The following SMIM35 variants were observed in gnomAD, a reference collection of about 807,000 sequenced individuals.
The protein encoded by SMIM35 is small integral membrane protein 35, also known as TMPRSS4 antisense RNA 1 (non-protein coding).
In SMIM35 at chr11:118,074,557, G is replaced by T. The variant is rs116635891; in HGVS notation, c.7+12194C>A. 7.7e-3 allele frequency among the ~76,000 whole-genome samples: 1,167 copies of T among 152,126 alleles called. 14 individuals are homozygous for T. Among genetic ancestry groups the T allele is most frequent in the African/African-American group, 0.027 (1,123 of 41,476 alleles). ...AGCTCAGGGGTTTGAGACCAGCCTTGTCAACATGGTGAAACCCTGTATCTA... is the reference window on the plus strand; with the variant it reads ...AGCTCAGGGGTTTGAGACCAGCCTTTTCAACATGGTGAAACCCTGTATCTA... On this transcript the variant is annotated intron_variant, in intron 1 of 4. Coordinates refer to ENST00000689828, the MANE Select transcript of SMIM35 (RefSeq NM_001394165.1).
intron 1 of SMIM35, among the ~76,000 whole-genome samples, chr11:118,028,040 T>C (rs971367075): frequency 6.6e-6 from 1 of 152,248 alleles, no homozygotes; most frequent in Non-Finnish European, 1.5e-5. Flanking sequence ...GACAATCCTT[T>C]ACATCCCCTT....
intron 1 of SMIM35, among the ~76,000 whole-genome samples, chr11:118,073,218 A>T (rs1334292344): frequency 6.6e-6 from 1 of 152,246 alleles, no homozygotes; most frequent in East Asian, 1.9e-4. Context: ...GAATACAGGC[A>T]TGAGCCACTG....
At chr11:118,045,936 A>G (rs1944091959) in intron 1 of SMIM35, among the ~76,000 whole-genome samples, 1 of 152,222 alleles carries the variant, frequency 6.6e-6, no homozygotes, top group Admixed American at 6.5e-5. Context: ...ATCCTCTCTT[A>G]TGTTGAAATG....
intron 4 of SMIM35, among the ~76,000 whole-genome samples, chr11:118,010,038 GC>G (rs1328306821): frequency 6.6e-6 from 1 of 152,182 alleles, no homozygotes; most frequent in Non-Finnish European, 1.5e-5. Flanking sequence ...TGACCCAAGT[GC>G]CCCCATATGT....
chr11:118,048,640 G>GAGAA (rs1430780109), intron 1 of SMIM35, among the ~76,000 whole-genome samples: 17 of 151,100 alleles, frequency 1.1e-4, no homozygotes, highest in Non-Finnish European at 2.5e-4. Context: ...GAGAGAAAGA[G>GAGAA]AGAAAGAAAG....
At chr11:118,024,305 A>C (rs759135620) in intron 1 of SMIM35, among the ~76,000 whole-genome samples, 3 of 152,184 alleles carry the variant, frequency 2.0e-5, no homozygotes, top group Non-Finnish European at 4.4e-5. Context: ...AGGAAGAAAT[A>C]GACTACATTT....
At chr11:118,075,065 A>T (rs561142286) in intron 1 of SMIM35, among the ~76,000 whole-genome samples, 3 of 152,216 alleles carry the variant, frequency 2.0e-5, no homozygotes, top group Non-Finnish European at 4.4e-5. Flanking sequence ...CAGGTAAAGC[A>T]ATGCAAACCT....
intron 1 of SMIM35, among the ~76,000 whole-genome samples, chr11:118,040,780 A>G (rs1447106574): frequency 1.3e-5 from 2 of 152,168 alleles, no homozygotes; most frequent in African/African-American, 4.8e-5. Context: ...TTAGGCCTAT[A>G]ACATATACAA....
At chr11:118,041,126 T>G (rs1161339032) in intron 1 of SMIM35, among the ~76,000 whole-genome samples, 1 of 151,792 alleles carries the variant, frequency 6.6e-6, no homozygotes, top group Non-Finnish European at 1.5e-5. Context: ...TTAAAAATAG[T>G]GAAAAAATAA....
intron 1 of SMIM35, among the ~76,000 whole-genome samples, chr11:118,049,084 G>A (rs1319409902): frequency 6.6e-6 from 1 of 152,070 alleles, no homozygotes; most frequent in Non-Finnish European, 1.5e-5. Flanking sequence ...TTGCCAGCGT[G>A]AGCTTTAGCA....
At chr11:118,029,839 T>G (rs2058303961) in intron 1 of SMIM35, 1 of 456,102 alleles carries the variant, frequency 2.2e-6, no homozygotes, top group African/African-American at 2.0e-5. Flanking sequence ...TCCGCAGTCT[T>G]AATGCTAGCA....
intron 1 of SMIM35, among the ~76,000 whole-genome samples, chr11:118,039,502 G>A (rs916066848): frequency 6.6e-6 from 1 of 152,044 alleles, no homozygotes; most frequent in African/African-American, 2.4e-5. Context: ...TTGAGCCCAG[G>A]AGTTCAAGAC....
At chr11:118,022,934 A>C (rs915291887) in intron 1 of SMIM35, among the ~76,000 whole-genome samples, 3 of 151,354 alleles carry the variant, frequency 2.0e-5, no homozygotes, top group African/African-American at 7.3e-5. Flanking sequence ...AATTATTTCC[A>C]CTACACTGGG....
intron 1 of SMIM35, among the ~76,000 whole-genome samples, chr11:118,043,823 A>G (rs906258286): frequency 2.0e-5 from 3 of 147,900 alleles, no homozygotes; most frequent in African/African-American, 7.4e-5. Context: ...AAGGAAAAGA[A>G]AAAGAAAGTA....
Position 118,029,086 on chromosome 11 carries a change from ATG to A in SMIM35, c.8-13279_8-13278del, listed in dbSNP as rs570715738. On this transcript the variant is annotated intron_variant, in intron 1 of 4. Transcript: ENST00000689828. The stretch of plus-strand genomic sequence containing the variant: ...GCACTGAGTCACTCAAATAAAGGAC[ATG>A]GCAATCACACGCTTGAAGTATAGCA... 585 of 300,142 alleles carry A rather than the reference ATG, an allele frequency of 1.9e-3. 4 individuals carry two copies. Among genetic ancestry groups the A allele is most frequent in the African/African-American group, 0.011 (512 of 45,708 alleles). The allele number at this position is 300,142 out of a possible 1,614,324, so 18.6% of individuals were successfully genotyped here. A position where few individuals can be genotyped will look rare whatever the true frequency, so the allele number is the denominator to read the frequency against.
chr11:118,073,079 G>A (rs1345987124), intron 1 of SMIM35, among the ~76,000 whole-genome samples: 3 of 152,138 alleles, frequency 2.0e-5, no homozygotes, highest in Non-Finnish European at 2.9e-5. Flanking sequence ...CACCACGCCC[G>A]GCTAATTTTT....
chr11:118,084,210 C>G (rs1006998821), intron 1 of SMIM35, among the ~76,000 whole-genome samples: 10 of 152,110 alleles, frequency 6.6e-5, no homozygotes, highest in Admixed American at 6.5e-4. Context: ...CAATAACTTG[C>G]TAAAGCCTCA....
At chr11:118,055,953 T>G (rs746902321) in intron 1 of SMIM35, among the ~76,000 whole-genome samples, 1 of 151,946 alleles carries the variant, frequency 6.6e-6, no homozygotes, top group Non-Finnish European at 1.5e-5. Context: ...ATCCCTGGAC[T>G]ATGTGAGGTC....
At chr11:118,079,677 C>T (rs561252250) in intron 1 of SMIM35, among the ~76,000 whole-genome samples, 1 of 152,222 alleles carries the variant, frequency 6.6e-6, no homozygotes, top group Non-Finnish European at 1.5e-5. Context: ...GAAGCTGGTC[C>T]TCCCTCCCAC....
Sources: gnomAD v4.1 joint callset for allele counts (sites outside exome capture counted in the v4.1 genomes callset) on GRCh38, gnomAD v4.1.1 for gene constraint, MANE v1.5 for transcripts, NCBI Gene and HGNC (gene_info 2026-07-23, HGNC 2026-07-21) for gene names.